The following BARD1 variants were observed in gnomAD, a reference collection of about 807,000 sequenced individuals.
BARD1 encodes the protein BRCA1 associated RING domain 1, also known as BRCA1-associated RING domain protein 1.
BARD1 carries 73 observed loss-of-function variants against 77.0 expected under a neutral mutation model. The ratio of observed to expected loss-of-function variants is 0.95; its 90% confidence interval spans 0.79 to 1.15. The LOEUF (loss-of-function observed/expected upper bound fraction) is 1.15, where lower values mean the gene tolerates loss of function less well. Among genes scored for constraint, BARD1 ranks in the 50% most tolerant of loss-of-function variants. The pLI, the probability that BARD1 is intolerant of heterozygous loss-of-function variation, is 0.00. For synonymous variants in BARD1, 384 were observed against 338.0 expected (o/e 1.14, Z -1.49); for missense variants, 993 against 938.8 (o/e 1.06, Z -0.75).
intron 9 of BARD1, among the ~76,000 whole-genome samples, chr2:214,742,550 C>T (rs1444318900): frequency 2.0e-5 from 3 of 152,180 alleles, no homozygotes; most frequent in Non-Finnish European, 2.9e-5. Context: ...TTCCATCCAT[C>T]CTTTATCCTA....
Position 214,752,526 on chromosome 2 carries a change from T to A in BARD1, c.1598A>T (p.Tyr533Phe), listed in dbSNP as rs761673463. 6.8e-6 allele frequency: 11 copies of A among 1,613,782 alleles called. No individual in the cohort carries two copies. The highest frequency in any genetic ancestry group is 5.3e-5 in the African/African-American group (4 of 75,028). Residue 533 changes from tyrosine to phenylalanine, a missense_variant, in exon 7 of 11, where the codon TAT becomes TTT. Tyr to Phe is a conservative substitution (Grantham distance 22). Coordinates refer to ENST00000260947, the MANE Select transcript of BARD1 (RefSeq NM_000465.4). ...VNIFGLRPVD[Y>F]TDDESMKSLL... ...CGATTTCATACTTTCATCATCTGTATAATCGACAGGCCGCAGACCAAATAT... is the reference window on the plus strand; with the variant it reads ...CGATTTCATACTTTCATCATCTGTAAAATCGACAGGCCGCAGACCAAATAT...
At chr2:214,778,774 A>C (rs4673898) in intron 4 of BARD1, among the ~76,000 whole-genome samples, 7,980 of 152,268 alleles carry the variant, frequency 0.052, 231 homozygotes, top group Admixed American at 0.083. Flanking sequence ...CTCTAACTGC[A>C]CCTTTAAGAA....
rs1695784637 is a variant in BARD1 at position 214,797,004 on chromosome 2, A to G, written c.215+57T>C. 5 of 1,294,090 alleles carry G rather than the reference A, an allele frequency of 3.9e-6. No homozygotes were observed. The Admixed American group carries it at 6.7e-5, about 17-fold the overall frequency. The allele number at this position is 1,294,090 out of a possible 1,614,324, so 80.2% of individuals were successfully genotyped here. On this transcript the variant is annotated intron_variant, in intron 2 of 10. Transcript: ENST00000260947. Reference sequence around the variant, plus strand: ...CCATTATTATCAACAAGATTACATGATTGTTATCTAGTAAAAAATACAGTT... The same window carrying G: ...CCATTATTATCAACAAGATTACATGGTTGTTATCTAGTAAAAAATACAGTT...
Position 214,803,595 on chromosome 2 carries a change from G to C in BARD1, c.158+5817C>G, listed in dbSNP as rs577988360. 3.3e-5 allele frequency among the ~76,000 whole-genome samples: 5 copies of C among 152,238 alleles called. 1 individual carries two copies. In the South Asian group the frequency reaches 8.3e-4, roughly 25 times the overall value. ...CTATGTTGCAAAGACCTTTGTTCACGTGTTTGTCTGCTGACCCTCTCCCCA... is the reference window on the plus strand; with the variant it reads ...CTATGTTGCAAAGACCTTTGTTCACCTGTTTGTCTGCTGACCCTCTCCCCA... On this transcript the variant is annotated intron_variant, in intron 1 of 10. Coordinates refer to ENST00000260947, the MANE Select transcript of BARD1 (RefSeq NM_000465.4).
intron 6 of BARD1, among the ~76,000 whole-genome samples, chr2:214,765,562 G>T (rs1694157045): frequency 6.6e-6 from 1 of 152,164 alleles, no homozygotes; most frequent in Non-Finnish European, 1.5e-5. Context: ...CCTGACCAGT[G>T]CTCCATCCAT....
intron 9 of BARD1, among the ~76,000 whole-genome samples, chr2:214,733,565 G>A (rs1354770378): frequency 6.6e-6 from 1 of 152,146 alleles, no homozygotes; most frequent in Non-Finnish European, 1.5e-5. Context: ...TCATGTACAA[G>A]AGAAGTCATA....
rs1357185397 is a variant in BARD1, at chr2:214,745,835, C to T, written c.1697G>A (p.Arg566Lys). Residue 566 changes from arginine to lysine, a missense_variant, in exon 8 of 11, where the codon AGG becomes AAG. Arg to Lys is a conservative substitution (Grantham distance 26). Coordinates refer to ENST00000260947, the MANE Select transcript of BARD1 (RefSeq NM_000465.4). Reference protein sequence around the residue: ...HCSVMNTGQRRDGPLVLIGSG... With the variant: ...HCSVMNTGQRKDGPLVLIGSG... ...GCCTATAAGTACAAGAGGTCCATCC[C>T]TACGCTGCCCAGTGTTCATCTGTTA... 1.9e-6 allele frequency: 3 copies of T among 1,614,062 alleles called. No homozygotes were observed. Among genetic ancestry groups the T allele is most frequent in the Admixed American group, 1.7e-5 (1 of 60,020 alleles).
At chr2:214,740,101 C>T (rs1045073024) in intron 9 of BARD1, among the ~76,000 whole-genome samples, 2 of 151,936 alleles carry the variant, frequency 1.3e-5, no homozygotes, top group African/African-American at 2.4e-5. Flanking sequence ...CACAGTCTAA[C>T]GTCCAAAAAT....
At chr2:214,789,780 C>T (rs962848658) in intron 3 of BARD1, among the ~76,000 whole-genome samples, 8 of 152,034 alleles carry the variant, frequency 5.3e-5, no homozygotes, top group Non-Finnish European at 1.0e-4. Context: ...CCTTCGTGTT[C>T]CTAAATTTCT....
At chr2:214,791,849 A>C (rs1182478122) in intron 3 of BARD1, among the ~76,000 whole-genome samples, 1 of 152,198 alleles carries the variant, frequency 6.6e-6, no homozygotes, top group Non-Finnish European at 1.5e-5. Flanking sequence ...AATGTAAAGC[A>C]GCAAAAAAGT....
At chr2:214,760,351 C>G (rs1030150917) in intron 6 of BARD1, among the ~76,000 whole-genome samples, 7 of 152,156 alleles carry the variant, frequency 4.6e-5, no homozygotes, top group Admixed American at 6.5e-5. Context: ...CGCCGCCACA[C>G]CCGGCTAATT....
At chr2:214,794,991 G>A (rs557728072) in intron 2 of BARD1, among the ~76,000 whole-genome samples, 2 of 152,020 alleles carry the variant, frequency 1.3e-5, no homozygotes, top group African/African-American at 2.4e-5. Flanking sequence ...CTGATTAAAC[G>A]TATGGATCCC....
intron 9 of BARD1, among the ~76,000 whole-genome samples, chr2:214,734,365 A>T (rs78197300): frequency 0.014 from 2,187 of 152,222 alleles, 46 homozygotes; most frequent in East Asian, 0.087. Flanking sequence ...ATATGGAATA[A>T]GTTGTTCCAT....
rs556655868 is a variant in BARD1, at chr2:214,771,753, T to C, written c.1315-2441A>G. Among the ~76,000 whole-genome samples, 3 of 151,906 alleles carry C rather than the reference T, an allele frequency of 2.0e-5. No homozygotes were observed. The East Asian group carries it at 5.8e-4, about 29-fold the overall frequency. On this transcript the variant is annotated intron_variant, in intron 4 of 10. Transcript: ENST00000260947. ...AGAAAAAAAAAAAATGCTTTTTATATCTAATTGTCTCTGTTTCTGTGCTCT... is the reference window on the plus strand; with the variant it reads ...AGAAAAAAAAAAAATGCTTTTTATACCTAATTGTCTCTGTTTCTGTGCTCT...
intron 6 of BARD1, among the ~76,000 whole-genome samples, chr2:214,763,283 T>C (rs1347630511): frequency 6.6e-6 from 1 of 152,176 alleles, no homozygotes; most frequent in Non-Finnish European, 1.5e-5. Flanking sequence ...AGCTGAGACT[T>C]TCATACTACT....
In BARD1 at chr2:214,780,643, G is replaced by T; in HGVS notation, c.1231C>A (p.Pro411Thr). 6.2e-7 allele frequency: 1 copy of T among 1,614,078 alleles called. No individual in the cohort carries two copies. The highest frequency in any genetic ancestry group is 1.1e-5 in the South Asian group (1 of 91,074). The change falls in exon 4 of 11, where the codon CCC (proline) becomes ACC (threonine). Residue 411 changes from proline (P) to threonine (T), a missense_variant. By Grantham distance (38) the Pro-to-Thr change is conservative. Coordinates refer to ENST00000260947, the MANE Select transcript of BARD1 (RefSeq NM_000465.4). ...TTGGGCAACAGCTTCATTGCTGAGGGACTAGACATCACTCGCCTGTAACTT... is the reference window on the plus strand; with the variant it reads ...TTGGGCAACAGCTTCATTGCTGAGGTACTAGACATCACTCGCCTGTAACTT... Reference protein sequence around the residue: ...SSSYRRVMSSPSAMKLLPNMA... With the variant: ...SSSYRRVMSSTSAMKLLPNMA...
chr2:214,733,222 C>G (rs76563869), intron 9 of BARD1, among the ~76,000 whole-genome samples: 91 of 152,284 alleles, frequency 6.0e-4, no homozygotes, highest in African/African-American at 2.1e-3. Flanking sequence ...TATCCCTTAT[C>G]TGAAGTGTTT....
intron 6 of BARD1, among the ~76,000 whole-genome samples, chr2:214,759,118 C>G (rs1268396510): frequency 6.6e-6 from 1 of 152,100 alleles, no homozygotes; most frequent in Non-Finnish European, 1.5e-5. Context: ...GTTTTTAAAG[C>G]TATAAAACAT....
At chr2:214,781,598 A>G (rs1695042089) in intron 3 of BARD1, 89 bp from the exon 4 acceptor site, 1 of 976,330 alleles carries the variant, frequency 1.0e-6, no homozygotes, top group Non-Finnish European at 1.6e-6. Context: ...CAGTTCCCCT[A>G]AAGTGTATCA....
Sources: gnomAD v4.1 joint callset for allele counts (sites outside exome capture counted in the v4.1 genomes callset) on GRCh38, gnomAD v4.1.1 for gene constraint, MANE v1.5 for transcripts, NCBI Gene and HGNC (gene_info 2026-07-23, HGNC 2026-07-21) for gene names.